Variants in PCDHA11 observed in about 807,000 individuals in gnomAD.
PCDHA11 encodes protocadherin alpha 11.
In PCDHA11, 61 loss-of-function variants were observed where a neutral mutation model predicts 70.3. That is an observed-to-expected ratio of 0.87 (90% CI 0.71 to 1.07). The LOEUF (loss-of-function observed/expected upper bound fraction) is 1.07, where lower values mean the gene tolerates loss of function less well. Ranked by LOEUF, PCDHA11 falls within the 50% of genes least tolerant of loss-of-function variation. The pLI, the probability that PCDHA11 is intolerant of heterozygous loss-of-function variation, is 0.00. For missense variants in PCDHA11, 1,324 were observed against 1,237.5 expected (o/e 1.07, Z -1.05); for synonymous variants, 633 against 555.1 (o/e 1.14, Z -1.97).
rs150142414 is a variant in PCDHA11, at chr5:140,941,961, T to C, written c.2392-36988T>C. 4.6e-3 allele frequency among the ~76,000 whole-genome samples: 702 copies of C among 152,326 alleles called. 3 individuals are homozygous for C. Among genetic ancestry groups the C allele is most frequent in the African/African-American group, 0.016 (679 of 41,550 alleles). On this transcript the variant is annotated intron_variant, in intron 1 of 3. Transcript: ENST00000398640. Reference sequence around the variant, plus strand: ...TACTTTTGTTTTGAAAACAATAGTATCTTTACTTTCCCTAAACCTTGATAA... The same window carrying C: ...TACTTTTGTTTTGAAAACAATAGTACCTTTACTTTCCCTAAACCTTGATAA...
intron 3 of PCDHA11, among the ~76,000 whole-genome samples, chr5:140,997,668 T>TTGTGTG (rs35184029): frequency 3.8e-4 from 56 of 148,342 alleles, no homozygotes; most frequent in African/African-American, 8.5e-4. Context: ...ATTATACAGC[T>TTGTGTG]TGTGTGTGTG....
At chr5:140,901,199 A>T (rs1554189641) in intron 1 of PCDHA11, among the ~76,000 whole-genome samples, 4 of 152,106 alleles carry the variant, frequency 2.6e-5, no homozygotes, top group Non-Finnish European at 5.9e-5. Context: ...TTCTGTGCAG[A>T]AGGTTTTTAA....
At position 140,871,321 on chromosome 5, in the gene PCDHA11, T is replaced by A; in HGVS notation, c.2218T>A (p.Cys740Ser). The A allele has an allele frequency of 1.2e-6, 2 of 1,614,066 alleles. No homozygotes were observed. Among genetic ancestry groups the A allele is most frequent in the Non-Finnish European group, 1.7e-6 (2 of 1,180,016 alleles). The change falls in exon 1 of 4, where the codon TGC becomes AGC. Residue 740 changes from cysteine (C) to serine (S), a missense_variant. Physicochemically the swap from Cys to Ser is moderately radical, Grantham distance 112. Coordinates refer to ENST00000398640, the MANE Select transcript of PCDHA11 (RefSeq NM_018902.5). ...ACAPGKPTLV[C>S]SRAVGSWSYS... is the part of the protein sequence containing the mutation. ...CGCGCCGGGGAAGCCCACGCTGGTGTGCTCCCGCGCGGTGGGGAGCTGGTC... is the reference window on the plus strand; with the variant it reads ...CGCGCCGGGGAAGCCCACGCTGGTGAGCTCCCGCGCGGTGGGGAGCTGGTC...
At chr5:140,949,383 T>C (rs2094373133) in intron 1 of PCDHA11, among the ~76,000 whole-genome samples, 1 of 151,882 alleles carries the variant, frequency 6.6e-6, no homozygotes, top group Non-Finnish European at 1.5e-5. Flanking sequence ...TATCAATTGC[T>C]CAGAGAGCAG....
rs1247587764 is a variant in PCDHA11 at position 140,883,158 on chromosome 5, C to T, written c.2391+11664C>T. ...GTGGTATATGCATTTACCATAAATC[C>T]GAACAATGGAGAAATTAGGACAAAA... On this transcript the variant is annotated intron_variant, in intron 1 of 3. Coordinates refer to ENST00000398640, the MANE Select transcript of PCDHA11 (RefSeq NM_018902.5). The T allele has an allele frequency of 1.9e-6, 3 of 1,613,592 alleles. No individual in the cohort carries two copies. In the African/African-American group the frequency reaches 4.0e-5, roughly 22 times the overall value.
intron 1 of PCDHA11, chr5:140,876,094 C>A (rs782479233): frequency 3.1e-6 from 5 of 1,613,926 alleles, no homozygotes; most frequent in Non-Finnish European, 4.2e-6. Flanking sequence ...AACGCCAAAA[C>A]TCAATTTATT....
At chr5:140,920,565 G>A (rs1225212458) in intron 1 of PCDHA11, among the ~76,000 whole-genome samples, 27 of 152,152 alleles carry the variant, frequency 1.8e-4, no homozygotes, top group Admixed American at 1.6e-3. Context: ...TGGCCCTTAG[G>A]CCAGGAGCAG....
chr5:140,982,373 T>C, intron 2 of PCDHA11, 102 bp from the exon 3 acceptor site: 1 of 1,559,640 alleles, frequency 6.4e-7, no homozygotes, highest in Non-Finnish European at 8.7e-7. Context: ...ATGTGTTAGC[T>C]GCAGCCCTGG....
chr5:140,872,073 T>C (rs2053472746), intron 1 of PCDHA11, among the ~76,000 whole-genome samples: 1 of 152,222 alleles, frequency 6.6e-6, no homozygotes, highest in Admixed American at 6.5e-5. Context: ...TAGCTGGGAA[T>C]GCAGTGCCAC....
chr5:140,995,764 G>C (rs2097697128), intron 3 of PCDHA11, among the ~76,000 whole-genome samples: 1 of 152,134 alleles, frequency 6.6e-6, no homozygotes, highest in Non-Finnish European at 1.5e-5. Flanking sequence ...AGAAAATGTG[G>C]AGAGTGAAGG....
intron 1 of PCDHA11, among the ~76,000 whole-genome samples, chr5:140,898,521 AGGG>A (rs1583310812): frequency 6.6e-6 from 1 of 152,252 alleles, no homozygotes; most frequent in East Asian, 1.9e-4. Context: ...GTTATTTCTG[AGGG>A]CTCTGTTCTG....
At chr5:140,884,281 G>C in intron 1 of PCDHA11, 4 of 1,613,614 alleles carry the variant, frequency 2.5e-6, no homozygotes, top group Non-Finnish European at 3.4e-6. Flanking sequence ...CGCTGGTGGA[G>C]AGCGGCCAAG....
At chr5:140,875,685 C>G (rs563250653) in intron 1 of PCDHA11, 1 of 1,613,816 alleles carries the variant, frequency 6.2e-7, no homozygotes. Context: ...CCAAAAGACA[C>G]GGGGACCTTC....
In PCDHA11 at chr5:140,927,786, A is replaced by G. The variant is rs782728309; in HGVS notation, c.2392-51163A>G. 11 of 1,614,074 alleles carry G rather than the reference A, an allele frequency of 6.8e-6. No homozygotes were observed. The East Asian group carries it at 2.0e-4, about 29-fold the overall frequency. On this transcript the variant is annotated intron_variant, in intron 1 of 3. Transcript: ENST00000398640. ...GTGGGGAGGTGCAAGTAGCTGCTTC[A>G]CTAGGTCCGCCTGAAACGCTCTTGG...
intron 1 of PCDHA11, chr5:140,877,451 C>G (rs782361627): frequency 6.2e-7 from 1 of 1,613,790 alleles, no homozygotes; most frequent in East Asian, 2.2e-5. Flanking sequence ...CCCGCGCTGA[C>G]GTCCACGGCC....
chr5:140,906,243 A>T (rs2072484346), intron 1 of PCDHA11, among the ~76,000 whole-genome samples: 1 of 152,190 alleles, frequency 6.6e-6, no homozygotes, highest in South Asian at 2.1e-4. Flanking sequence ...GTCAACTTGA[A>T]CCCATACACA....
In PCDHA11 at chr5:141,009,984, G is replaced by A. The variant is rs782207623; in HGVS notation, c.*47G>A. 6.3e-7 allele frequency: 1 copy of A among 1,581,532 alleles called. No homozygotes were observed. Among genetic ancestry groups the A allele is most frequent in the Admixed American group, 1.9e-5 (1 of 53,968 alleles). On this transcript the variant is annotated 3_prime_UTR_variant, in exon 4 of 4. Transcript: ENST00000398640. ...CACTTAGCCAGTTTTTGTAATAATG[G>A]CAAATCTCTCCCATGTAGCAATTCC... is the stretch of plus-strand genomic sequence containing the variant.
chr5:140,941,202 C>CTTTCTCTCTTT (rs1554213921), intron 1 of PCDHA11, among the ~76,000 whole-genome samples: 1 of 122,742 alleles, frequency 8.1e-6, no homozygotes, highest in African/African-American at 3.0e-5. Flanking sequence ...TTTCTTTCTT[C>CTTTCTCTCTTT]CTTTCTTTCT....
At position 140,951,508 on chromosome 5, in the gene PCDHA11, G is replaced by A. The variant is rs536073969; in HGVS notation, c.2392-27441G>A. Among the ~76,000 whole-genome samples the A allele has an allele frequency of 3.9e-5, 6 of 152,080 alleles. No individual in the cohort carries two copies. The South Asian group carries it at 6.2e-4, about 16-fold the overall frequency. On this transcript the variant is annotated intron_variant, in intron 1 of 3. Coordinates refer to ENST00000398640, the MANE Select transcript of PCDHA11 (RefSeq NM_018902.5). ...TCATGGTGGAAGGCAAAAGGAAAGC[G>A]GCTCATCTTACATGGCCGGTGCAGG...
Sources: gnomAD v4.1 joint callset for allele counts (sites outside exome capture counted in the v4.1 genomes callset) on GRCh38, gnomAD v4.1.1 for gene constraint, MANE v1.5 for transcripts, NCBI Gene and HGNC (gene_info 2026-07-23, HGNC 2026-07-21) for gene names.